DLGAP1: variants seen among roughly 807,000 people sequenced by gnomAD.
DLGAP1 encodes disks large-associated protein 1.
DLGAP1 carries 11 observed loss-of-function variants against 90.8 expected under a neutral mutation model. That is an observed-to-expected ratio of 0.12 (90% CI 0.08 to 0.20). The LOEUF is 0.20. DLGAP1 is among the 10% of genes least tolerant of loss of function. DLGAP1 has a pLI of 1.00. For synonymous variants in DLGAP1, 558 were observed against 540.7 expected (o/e 1.03, Z -0.44); for missense variants, 1,050 against 1,333.8 (o/e 0.79, Z 3.31).
At chr18:3,816,410 A>G (rs1420726958) in intron 4 of DLGAP1, among the ~76,000 whole-genome samples, 4 of 152,226 alleles carry the variant, frequency 2.6e-5, no homozygotes, top group Non-Finnish European at 2.9e-5. Flanking sequence ...CTAAAAGAGC[A>G]TAATTCTTTC....
At chr18:4,292,099 T>C (rs1276850814) in intron 1 of DLGAP1, among the ~76,000 whole-genome samples, 1 of 152,136 alleles carries the variant, frequency 6.6e-6, no homozygotes, top group African/African-American at 2.4e-5. Context: ...TTTAAAACAT[T>C]ACAAATAGAT....
rs1378344736 is a variant in DLGAP1 at position 3,678,150 on chromosome 18, C to T, written c.1591+50985G>A. On this transcript the variant is annotated intron_variant, in intron 7 of 12. Coordinates refer to ENST00000315677, the MANE Select transcript of DLGAP1 (RefSeq NM_004746.4). ...CTAATTTTTGTATTTTTAGTAGAGA[C>T]AGGGTTTCACCATGTTGGCCAGGCT... Among the ~76,000 whole-genome samples the T allele has an allele frequency of 8.8e-4, 120 of 135,686 alleles. No homozygotes were observed. In the Middle Eastern group the frequency reaches 0.027, roughly 30 times the overall value. The allele number at this position is 135,686 out of a possible 152,430, so 89.0% of individuals were successfully genotyped here. A position where few individuals can be genotyped will look rare whatever the true frequency, so the allele number is the denominator to read the frequency against.
At chr18:3,686,793 G>A (rs1864528091) in intron 7 of DLGAP1, among the ~76,000 whole-genome samples, 1 of 152,180 alleles carries the variant, frequency 6.6e-6, no homozygotes, top group Non-Finnish European at 1.5e-5. Context: ...AGGCTCTGTG[G>A]GAGGCAGAAT....
intron 1 of DLGAP1, among the ~76,000 whole-genome samples, chr18:4,177,691 C>T (rs1228192383): frequency 1.3e-5 from 2 of 152,112 alleles, no homozygotes; most frequent in Non-Finnish European, 2.9e-5. Context: ...ATGTGTTGCT[C>T]CCACTTATAA....
At chr18:3,530,138 G>A (rs2051896874) in intron 10 of DLGAP1, among the ~76,000 whole-genome samples, 1 of 152,186 alleles carries the variant, frequency 6.6e-6, no homozygotes, top group African/African-American at 2.4e-5. Context: ...TGGGTGGGTG[G>A]CTCATGCCTG....
intron 1 of DLGAP1, among the ~76,000 whole-genome samples, chr18:4,199,840 T>C (rs987617908): frequency 1.3e-4 from 20 of 152,126 alleles, no homozygotes; most frequent in African/African-American, 4.6e-4. Flanking sequence ...TGAAAACAAT[T>C]CCCCCAAGAG....
chr18:4,267,183 AGT>A (rs146992333), intron 1 of DLGAP1, among the ~76,000 whole-genome samples: 23 of 147,346 alleles, frequency 1.6e-4, no homozygotes, highest in Admixed American at 7.3e-4. Flanking sequence ...CACTGTAATG[AGT>A]GTGTGTGTGT....
intron 5 of DLGAP1, among the ~76,000 whole-genome samples, chr18:3,780,125 A>C (rs2065124963): frequency 6.6e-6 from 1 of 152,216 alleles, no homozygotes; most frequent in Non-Finnish European, 1.5e-5. Flanking sequence ...GGCTTAAAAA[A>C]AATTTTAAAT....
At chr18:3,918,809 G>A (rs1250058983) in intron 3 of DLGAP1, among the ~76,000 whole-genome samples, 1 of 152,196 alleles carries the variant, frequency 6.6e-6, no homozygotes, top group Non-Finnish European at 1.5e-5. Context: ...GCTGGAGGCA[G>A]AGACTGGAAA....
At chr18:4,240,511 AG>A (rs1326163902) in intron 1 of DLGAP1, among the ~76,000 whole-genome samples, 1 of 152,194 alleles carries the variant, frequency 6.6e-6, no homozygotes, top group Non-Finnish European at 1.5e-5. Flanking sequence ...TCTTGAAATC[AG>A]ATTTTCTGGT....
At chr18:4,173,791 A>C (rs956651211) in intron 1 of DLGAP1, among the ~76,000 whole-genome samples, 1 of 152,200 alleles carries the variant, frequency 6.6e-6, no homozygotes, top group African/African-American at 2.4e-5. Context: ...AGCTCAATAT[A>C]TGTAATGGCT....
chr18:4,231,808 T>C (rs2078304072), intron 1 of DLGAP1, among the ~76,000 whole-genome samples: 1 of 152,144 alleles, frequency 6.6e-6, no homozygotes, highest in Non-Finnish European at 1.5e-5. Context: ...ATGTATCTAA[T>C]TGAGAGGAAA....
intron 4 of DLGAP1, among the ~76,000 whole-genome samples, chr18:3,843,143 G>A (rs2068814591): frequency 6.6e-6 from 1 of 152,134 alleles, no homozygotes; most frequent in Non-Finnish European, 1.5e-5. Context: ...GGGAAGGTGG[G>A]GGTGCTTCTT....
intron 1 of DLGAP1, among the ~76,000 whole-genome samples, chr18:4,161,425 A>G (rs2076843202): frequency 6.6e-6 from 1 of 152,082 alleles, no homozygotes; most frequent in Non-Finnish European, 1.5e-5. Flanking sequence ...ACATGATCTC[A>G]TTTCTTTTCA....
intron 3 of DLGAP1, among the ~76,000 whole-genome samples, chr18:3,996,937 A>G (rs1568341594): frequency 1.3e-5 from 2 of 151,990 alleles, no homozygotes; most frequent in Admixed American, 1.3e-4. Context: ...TTAGGACTAC[A>G]CTACACATTA....
intron 4 of DLGAP1, among the ~76,000 whole-genome samples, chr18:3,869,154 G>GTTT (rs71368714): frequency 0.1 from 14,170 of 141,754 alleles, 776 homozygotes; most frequent in South Asian, 0.17. Context: ...TGTGTATTGC[G>GTTT]TTTTTTTTTT....
At chr18:3,718,057 G>A (rs967834567) in intron 7 of DLGAP1, among the ~76,000 whole-genome samples, 1 of 152,132 alleles carries the variant, frequency 6.6e-6, no homozygotes, top group African/African-American at 2.4e-5. Context: ...TCATGTTTCA[G>A]GTTACCAATT....
At chr18:4,002,719 C>G (rs968786582) in intron 3 of DLGAP1, among the ~76,000 whole-genome samples, 3 of 151,984 alleles carry the variant, frequency 2.0e-5, no homozygotes, top group African/African-American at 7.3e-5. Flanking sequence ...GAATTGTGAC[C>G]CTTTGGGGCT....
intron 7 of DLGAP1, among the ~76,000 whole-genome samples, chr18:3,627,375 C>A (rs2146117840): frequency 6.7e-6 from 1 of 150,340 alleles, no homozygotes; most frequent in African/African-American, 2.5e-5. Flanking sequence ...CAGGCAAATG[C>A]AGTGAGTGAA....
Sources: allele counts gnomAD v4.1 joint callset (sites outside exome capture counted in the v4.1 genomes callset), GRCh38; gene constraint gnomAD v4.1.1; transcripts MANE v1.5; gene names NCBI Gene and HGNC (gene_info 2026-07-23, HGNC 2026-07-21).